The following ARHGAP18 variants were observed in gnomAD, a reference collection of about 807,000 sequenced individuals.
The protein encoded by ARHGAP18 is Rho GTPase activating protein 18.
ARHGAP18 carries 67 observed loss-of-function variants against 86.2 expected under a neutral mutation model. The observed-to-expected ratio is 0.78, with a 90% CI of 0.64 to 0.95. The LOEUF (loss-of-function observed/expected upper bound fraction) is 0.95, where lower values mean the gene tolerates loss of function less well. Ranked by LOEUF, ARHGAP18 falls within the 40% of genes least tolerant of loss-of-function variation. The probability of loss-of-function intolerance (pLI) is 0.00; values close to 1 mark genes in which losing one functional copy is unlikely to be tolerated. For synonymous variants in ARHGAP18, 283 were observed against 280.4 expected (o/e 1.01, Z -0.09); for missense variants, 691 against 780.4 (o/e 0.89, Z 1.37).
chr6:129,703,977 A>T lies in ARHGAP18; in HGVS notation c.113+6047T>A, dbSNP rs563555062. 6.6e-3 allele frequency among the ~76,000 whole-genome samples: 810 copies of T among 123,416 alleles called. 8 individuals are homozygous for T. Among genetic ancestry groups the T allele is most frequent in the African/African-American group, 0.021 (689 of 33,604 alleles). 81.0% of individuals were successfully genotyped at this position (123,416 alleles called of 152,430 possible). A position where few individuals can be genotyped will look rare whatever the true frequency, so the allele number is the denominator to read the frequency against. ...CATCCCTTTTTTTCAACAACAAAAA[A>T]ATATATATATATGATCAGGTAATAA... On this transcript the variant is annotated intron_variant, in intron 1 of 14. Transcript: ENST00000368149.
rs1359845523 is a variant in ARHGAP18 at position 129,625,161 on chromosome 6, A to AT, written c.786+4191dup. Reference sequence around the variant, plus strand: ...TATATATTATATATTATATAGATATATATTATATATGATATATTATATATT... The same window carrying AT: ...TATATATTATATATTATATAGATATATTATTATATATGATATATTATATATT... On this transcript the variant is annotated intron_variant, in intron 5 of 14. Transcript: ENST00000368149. 6.7e-3 allele frequency among the ~76,000 whole-genome samples: 365 copies of AT among 54,678 alleles called. 50 individuals carry two copies. Among genetic ancestry groups the AT allele is most frequent in the African/African-American group, 0.025 (356 of 14,192 alleles). The allele number at this position is 54,678 out of a possible 152,430, so 35.9% of individuals were successfully genotyped here.
intron 1 of ARHGAP18, among the ~76,000 whole-genome samples, chr6:129,646,159 G>GA (rs1368468757): frequency 6.6e-6 from 1 of 152,144 alleles, no homozygotes; most frequent in Non-Finnish European, 1.5e-5. Context: ...AAATGAAATG[G>GA]AAACATATGG....
intron 12 of ARHGAP18, among the ~76,000 whole-genome samples, chr6:129,597,279 G>A (rs1172892136): frequency 6.6e-6 from 1 of 152,000 alleles, no homozygotes; most frequent in Non-Finnish European, 1.5e-5. Context: ...TGGACTACAG[G>A]TGTGTGCTAC....
chr6:129,672,073 A>C (rs1245774645), intron 1 of ARHGAP18, among the ~76,000 whole-genome samples: 4 of 152,094 alleles, frequency 2.6e-5, no homozygotes, highest in Non-Finnish European at 5.9e-5. Flanking sequence ...AACCAGTCTC[A>C]TATCACCACC....
chr6:129,704,640 T>C (rs4897335), intron 1 of ARHGAP18, among the ~76,000 whole-genome samples: 121,499 of 151,984 alleles, frequency 0.8, 48,702 homozygotes, highest in South Asian at 0.86. Flanking sequence ...TGTCAAAAGA[T>C]TCCACTGCTC....
intron 13 of ARHGAP18, among the ~76,000 whole-genome samples, 185 bp downstream of exon 13, chr6:129,583,803 T>C (rs1232585618): frequency 1.3e-5 from 2 of 151,886 alleles, no homozygotes; most frequent in African/African-American, 4.8e-5. Context: ...ACTAAACTCA[T>C]TCCAACAGTC....
chr6:129,683,506 T>C (rs965905729), intron 1 of ARHGAP18, among the ~76,000 whole-genome samples: 5 of 152,212 alleles, frequency 3.3e-5, no homozygotes, highest in Admixed American at 6.5e-5. Context: ...CATTAAAACA[T>C]TGATCACACG....
intron 1 of ARHGAP18, among the ~76,000 whole-genome samples, chr6:129,680,140 T>G (rs1774300923): frequency 6.6e-6 from 1 of 152,198 alleles, no homozygotes; most frequent in Non-Finnish European, 1.5e-5. Flanking sequence ...GCAAAGACCC[T>G]TTTTCCAAAT....
chr6:129,672,516 G>A (rs1774157977), intron 1 of ARHGAP18, among the ~76,000 whole-genome samples: 1 of 151,520 alleles, frequency 6.6e-6, no homozygotes, highest in East Asian at 2.0e-4. Flanking sequence ...CTACACAGAA[G>A]TGTGACGTAT....
chr6:129,625,097 A>ATT lies in ARHGAP18; in HGVS notation c.786+4255_786+4256insAA, dbSNP rs1789332223. 5.8e-4 allele frequency among the ~76,000 whole-genome samples: 41 copies of ATT among 70,324 alleles called. 1 individual carries two copies. The highest frequency in any genetic ancestry group is 2.1e-3 in the African/African-American group (38 of 18,174). The allele number at this position is 70,324 out of a possible 152,430, so 46.1% of individuals were successfully genotyped here. On this transcript the variant is annotated intron_variant, in intron 5 of 14. Coordinates refer to ENST00000368149, the MANE Select transcript of ARHGAP18 (RefSeq NM_033515.3). ...TAATATATATGATATATGATATATG[A>ATT]TATATATTATATATTATATAGATAT...
intron 14 of ARHGAP18, 82 bp from the exon 15 acceptor site, chr6:129,578,686 C>T: frequency 1.7e-6 from 2 of 1,186,812 alleles, no homozygotes; most frequent in East Asian, 2.6e-5. Flanking sequence ...TTATTTAACT[C>T]TTAAGTCTTG....
intron 1 of ARHGAP18, among the ~76,000 whole-genome samples, chr6:129,701,772 A>T (rs1774714694): frequency 6.6e-6 from 1 of 150,902 alleles, no homozygotes; most frequent in African/African-American, 2.5e-5. Flanking sequence ...TCCATCTCAA[A>T]TAAAAAAAAA....
chr6:129,659,554 A>G (rs1022026809), intron 1 of ARHGAP18, among the ~76,000 whole-genome samples: 2 of 151,730 alleles, frequency 1.3e-5, no homozygotes, highest in Non-Finnish European at 2.9e-5. Flanking sequence ...TTCAACCTCC[A>G]CCTCCTGGGT....
At chr6:129,637,725 C>T (rs1056050531) in intron 3 of ARHGAP18, among the ~76,000 whole-genome samples, 2 of 152,178 alleles carry the variant, frequency 1.3e-5, no homozygotes, top group Non-Finnish European at 2.9e-5. Flanking sequence ...TACCTCACTT[C>T]CATTTTCTGT....
chr6:129,634,017 A>AC (rs1323251728), intron 4 of ARHGAP18, 25 bp downstream of exon 4: 13 of 1,580,082 alleles, frequency 8.2e-6, no homozygotes, highest in Non-Finnish European at 1.1e-5. Context: ...AAAAAAAAAA[A>AC]AACAAGAGAA....
At chr6:129,629,043 T>C (rs931372173) in intron 5 of ARHGAP18, among the ~76,000 whole-genome samples, 4 of 152,154 alleles carry the variant, frequency 2.6e-5, no homozygotes, top group African/African-American at 7.2e-5. Context: ...TACTATTCTT[T>C]CAACTTTTCC....
Position 129,610,580 on chromosome 6 carries a change from T to C in ARHGAP18, c.1122+953A>G, listed in dbSNP as rs191396589. 3.1e-3 allele frequency among the ~76,000 whole-genome samples: 476 copies of C among 152,180 alleles called. 2 individuals are homozygous for C. The highest frequency in any genetic ancestry group is 0.011 in the African/African-American group (457 of 41,538). The stretch of plus-strand genomic sequence containing the variant: ...CCGGCTCACTAAGACTAATTATGCA[T>C]AGGATGTCAAGGTCCCCCATCTGCA... On this transcript the variant is annotated intron_variant, in intron 8 of 14. Coordinates refer to ENST00000368149, the MANE Select transcript of ARHGAP18 (RefSeq NM_033515.3).
At chr6:129,601,512 A>G (rs941438747) in intron 10 of ARHGAP18, among the ~76,000 whole-genome samples, 2 of 151,662 alleles carry the variant, frequency 1.3e-5, no homozygotes, top group Non-Finnish European at 1.5e-5. Context: ...AGAAAAGAGA[A>G]AAGAGAGAAG....
At chr6:129,691,961 C>T (rs934440778) in intron 1 of ARHGAP18, among the ~76,000 whole-genome samples, 4 of 152,242 alleles carry the variant, frequency 2.6e-5, no homozygotes, top group Admixed American at 2.0e-4. Context: ...CAGGCAGTAT[C>T]CTCTCAGGGG....
Sources: allele counts gnomAD v4.1 joint callset (sites outside exome capture counted in the v4.1 genomes callset), GRCh38; gene constraint gnomAD v4.1.1; transcripts MANE v1.5; gene names NCBI Gene and HGNC (gene_info 2026-07-23, HGNC 2026-07-21).